The following CRPPA variants were observed in gnomAD, a reference collection of about 807,000 sequenced individuals.
CRPPA encodes CDP-L-ribitol pyrophosphorylase A, also known as D-ribitol-5-phosphate cytidylyltransferase.
In CRPPA, 43 loss-of-function variants were observed where a neutral mutation model predicts 52.0. That is an observed-to-expected ratio of 0.83 (90% CI 0.65 to 1.07). The LOEUF (loss-of-function observed/expected upper bound fraction) is 1.07, where lower values mean the gene tolerates loss of function less well. Ranked by LOEUF, CRPPA falls within the 50% of genes least tolerant of loss-of-function variation. The pLI is 0.00. For missense variants in CRPPA, 629 were observed against 551.7 expected (o/e 1.14, Z -1.40); for synonymous variants, 250 against 203.5 (o/e 1.23, Z -1.94).
intron 4 of CRPPA, among the ~76,000 whole-genome samples, chr7:16,307,997 C>T (rs1349499300): frequency 2.0e-5 from 3 of 151,416 alleles, no homozygotes; most frequent in Admixed American, 1.3e-4. Flanking sequence ...TAAGCTCTAA[C>T]CATGGAGGTG....
At chr7:16,267,733 T>C (rs921257799) in intron 6 of CRPPA, among the ~76,000 whole-genome samples, 1 of 150,282 alleles carries the variant, frequency 6.7e-6, no homozygotes, top group African/African-American at 2.4e-5. Context: ...TTATTTTTCC[T>C]AAGTAATAAA....
intron 5 of CRPPA, among the ~76,000 whole-genome samples, chr7:16,280,917 G>A (rs1158189587): frequency 6.6e-6 from 1 of 152,144 alleles, no homozygotes; most frequent in Non-Finnish European, 1.5e-5. Context: ...CTACGCAGGA[G>A]GCTGAGGCAG....
At chr7:16,242,953 T>C (rs1783165403) in intron 8 of CRPPA, among the ~76,000 whole-genome samples, 1 of 152,198 alleles carries the variant, frequency 6.6e-6, no homozygotes, top group Non-Finnish European at 1.5e-5. Context: ...TCAGGCCACT[T>C]AATGCTGAAA....
chr7:16,308,440 A>G, intron 4 of CRPPA, 83 bp downstream of exon 4: 2 of 750,270 alleles, frequency 2.7e-6, no homozygotes, highest in Non-Finnish European at 4.7e-6. Context: ...CTCCTACTCA[A>G]TGCACTACTG....
Position 16,421,436 on chromosome 7 carries a change from G to C in CRPPA, c.-114C>G. On this transcript the variant is annotated 5_prime_UTR_variant, in exon 1 of 10. Transcript: ENST00000407010. ...GGCAGACCACGGAGAGGGACGCAGA[G>C]CGCGCAAGCAGAAGGCGCCCCCCTC... 1 of 1,074,296 alleles carries C rather than the reference G, an allele frequency of 9.3e-7. No homozygotes were observed. The highest frequency in any genetic ancestry group is 1.2e-6 in the Non-Finnish European group (1 of 852,002). 66.5% of individuals were successfully genotyped at this position (1,074,296 alleles called of 1,614,324 possible).
chr7:16,400,720 A>G (rs1468164403), intron 2 of CRPPA, among the ~76,000 whole-genome samples: 2 of 152,208 alleles, frequency 1.3e-5, no homozygotes, highest in Admixed American at 1.3e-4. Context: ...CACGTTTGTG[A>G]CACGTGACCA....
intron 3 of CRPPA, among the ~76,000 whole-genome samples, chr7:16,344,405 C>CAAAAAAAA (rs35320924): frequency 1.0e-5 from 1 of 99,344 alleles, no homozygotes; most frequent in Non-Finnish European, 2.0e-5. Flanking sequence ...TATCTCTACC[C>CAAAAAAAA]AAAAAAAAAA....
intron 2 of CRPPA, among the ~76,000 whole-genome samples, chr7:16,399,304 G>A (rs537883989): frequency 2.0e-5 from 3 of 151,578 alleles, no homozygotes; most frequent in South Asian, 4.2e-4. Context: ...TGATCAACAC[G>A]TGTGACACGT....
At chr7:16,401,300 T>C (rs1562684922) in intron 2 of CRPPA, among the ~76,000 whole-genome samples, 2 of 152,172 alleles carry the variant, frequency 1.3e-5, no homozygotes, top group Non-Finnish European at 2.9e-5. Context: ...AAGAGCAAAT[T>C]CTTTATTATT....
chr7:16,317,552 G>A (rs1164182715), intron 3 of CRPPA, among the ~76,000 whole-genome samples: 1 of 151,964 alleles, frequency 6.6e-6, no homozygotes, highest in African/African-American at 2.4e-5. Flanking sequence ...TTAGAAAAAG[G>A]GTAGATTCAT....
intron 9 of CRPPA, among the ~76,000 whole-genome samples, chr7:16,163,994 G>A (rs1346502222): frequency 1.3e-5 from 2 of 152,040 alleles, no homozygotes; most frequent in Non-Finnish European, 2.9e-5. Context: ...GTGTCTTGGG[G>A]TTGCTCTTCT....
At chr7:16,302,799 G>C (rs896889137) in intron 4 of CRPPA, among the ~76,000 whole-genome samples, 1 of 152,090 alleles carries the variant, frequency 6.6e-6, no homozygotes, top group African/African-American at 2.4e-5. Context: ...CAGCAAATTA[G>C]AGGATTGAAG....
chr7:16,273,861 G>A (rs1784146554), intron 6 of CRPPA, among the ~76,000 whole-genome samples: 1 of 152,146 alleles, frequency 6.6e-6, no homozygotes. Context: ...ATCGCGCCCA[G>A]AAGGACTTGT....
At chr7:16,243,703 C>T (rs1334580688) in intron 8 of CRPPA, among the ~76,000 whole-genome samples, 4 of 152,116 alleles carry the variant, frequency 2.6e-5, no homozygotes, top group East Asian at 1.9e-4. Context: ...GCAGTGGCTA[C>T]GTCTGTAATC....
intron 2 of CRPPA, among the ~76,000 whole-genome samples, chr7:16,385,976 G>C (rs1482476890): frequency 6.6e-6 from 1 of 152,226 alleles, no homozygotes; most frequent in Non-Finnish European, 1.5e-5. Context: ...GCATGTTACA[G>C]TGCTCCTTTA....
At chr7:16,420,995 G>C in intron 1 of CRPPA, 71 bp downstream of exon 1, 2 of 1,225,314 alleles carry the variant, frequency 1.6e-6, no homozygotes, top group East Asian at 3.2e-5. Flanking sequence ...GCTAGCGCTA[G>C]AGCAGCGGCA....
intron 5 of CRPPA, among the ~76,000 whole-genome samples, chr7:16,278,921 G>A (rs1273528138): frequency 6.6e-6 from 1 of 152,128 alleles, no homozygotes; most frequent in Non-Finnish European, 1.5e-5. Context: ...CTGATTCAAG[G>A]TAACTTGACC....
chr7:16,094,980 A>C lies in CRPPA; in HGVS notation c.1252-3181T>G, dbSNP rs188203893. ...TAGGTAGAACTATGGAAATCTCACT[A>C]AACTATGCACTTTGTTAATAATAAT... On this transcript the variant is annotated intron_variant, in intron 9 of 9. Coordinates refer to ENST00000407010, the MANE Select transcript of CRPPA (RefSeq NM_001101426.4). 4.1e-3 allele frequency among the ~76,000 whole-genome samples: 626 copies of C among 152,260 alleles called. 8 individuals are homozygous for C. The highest frequency in any genetic ancestry group is 0.015 in the African/African-American group (607 of 41,560).
chr7:16,402,784 A>G (rs756203921), intron 2 of CRPPA, among the ~76,000 whole-genome samples: 2 of 152,162 alleles, frequency 1.3e-5, no homozygotes, highest in Non-Finnish European at 2.9e-5. Flanking sequence ...CTTAGGACAC[A>G]TGAGGACTGG....
Sources: gnomAD v4.1 joint callset for allele counts (sites outside exome capture counted in the v4.1 genomes callset) on GRCh38, gnomAD v4.1.1 for gene constraint, MANE v1.5 for transcripts, NCBI Gene and HGNC (gene_info 2026-07-23, HGNC 2026-07-21) for gene names.